RAB3IP: variants seen among roughly 807,000 people sequenced by gnomAD.
RAB3IP encodes rab-3A-interacting protein.
A neutral mutation model predicts 59.1 loss-of-function variants in RAB3IP; 36 were observed. The ratio of observed to expected loss-of-function variants is 0.61; its 90% CI spans 0.47 to 0.80. The LOEUF (loss-of-function observed/expected upper bound fraction) is 0.80, where lower values mean the gene tolerates loss of function less well. Among genes scored for constraint, RAB3IP ranks in the 30% least tolerant of loss-of-function variants. RAB3IP has a pLI of 0.00. For missense variants in RAB3IP, 511 were observed against 536.0 expected (o/e 0.95, Z 0.46); for synonymous variants, 207 against 191.2 (o/e 1.08, Z -0.68).
rs1887053450 is a variant in RAB3IP at position 69,739,502 on chromosome 12, G to C, written c.-26+471G>C. Reference sequence around the variant, plus strand: ...CAAGTCGGAAGCAGCTCACAACACCGGACGCCGCGCGGCAGGGCTGTGGAC... The same window carrying C: ...CAAGTCGGAAGCAGCTCACAACACCCGACGCCGCGCGGCAGGGCTGTGGAC... On this transcript the variant is annotated intron_variant, in intron 1 of 10. Coordinates refer to ENST00000247833, the MANE Select transcript of RAB3IP (RefSeq NM_022456.5). 2 of 315,120 alleles carry C rather than the reference G, an allele frequency of 6.3e-6. 1 individual carries two copies. Among genetic ancestry groups the C allele is most frequent in the South Asian group, 9.0e-5 (2 of 22,204 alleles). 19.5% of individuals were successfully genotyped at this position (315,120 alleles called of 1,614,324 possible). A position where few individuals can be genotyped will look rare whatever the true frequency, so the allele number is the denominator to read the frequency against.
chr12:69,784,310 A>G (rs897127418), intron 3 of RAB3IP, among the ~76,000 whole-genome samples: 3 of 152,052 alleles, frequency 2.0e-5, no homozygotes, highest in Non-Finnish European at 2.9e-5. Flanking sequence ...AATAGCTTTT[A>G]AAGTAAACAT....
At chr12:69,799,821 T>C (rs1592592625) in intron 6 of RAB3IP, among the ~76,000 whole-genome samples, 1 of 152,174 alleles carries the variant, frequency 6.6e-6, no homozygotes, top group Non-Finnish European at 1.5e-5. Flanking sequence ...TCATCATTTA[T>C]TATATTCTGA....
chr12:69,784,910 G>A (rs1875375977), intron 4 of RAB3IP, 95 bp downstream of exon 4: 2 of 675,062 alleles, frequency 3.0e-6, no homozygotes, highest in African/African-American at 3.7e-5. Flanking sequence ...TATTTGCTTA[G>A]CTTCATGTAT....
At chr12:69,792,017 C>G (rs1045267820) in intron 4 of RAB3IP, among the ~76,000 whole-genome samples, 2 of 152,174 alleles carry the variant, frequency 1.3e-5, no homozygotes, top group South Asian at 4.1e-4. Flanking sequence ...ACAACATGAG[C>G]GAACCTGGAG....
intron 3 of RAB3IP, among the ~76,000 whole-genome samples, chr12:69,771,798 A>G (rs1471108298): frequency 6.6e-6 from 1 of 152,028 alleles, no homozygotes; most frequent in Non-Finnish European, 1.5e-5. Flanking sequence ...CATCCTCCTC[A>G]GTGTTTGTTA....
rs767461945 is a variant in RAB3IP, at chr12:69,794,455, A to G, written c.625A>G (p.Arg209Gly). The change falls in exon 5 of 11, where the codon AGA (arginine) becomes GGA (glycine). Residue 209 changes from arginine (R) to glycine (G), a missense_variant. Arg to Gly is a moderately radical substitution (Grantham distance 125, BLOSUM62 -2). Transcript: ENST00000247833. ...TTTTCAGGAAGCTCATAAAATGGTG[A>G]GAGAAGCAAATATCAAGCAGGCAAC... ...SLFEEAHKMV[R>G]EANIKQATAE... 133 of 1,612,486 alleles carry G rather than the reference A, an allele frequency of 8.2e-5. 2 individuals are homozygous for G. The South Asian group carries it at 1.4e-3, about 17-fold the overall frequency.
chr12:69,772,318 G>C (rs561926142), intron 3 of RAB3IP, among the ~76,000 whole-genome samples: 6 of 152,026 alleles, frequency 3.9e-5, no homozygotes, highest in Non-Finnish European at 7.4e-5. Context: ...TGAGTCTCTT[G>C]TAGGCAGGCA....
chr12:69,805,379 G>C (rs1334437354), intron 8 of RAB3IP, among the ~76,000 whole-genome samples: 1 of 152,124 alleles, frequency 6.6e-6, no homozygotes, highest in African/African-American at 2.4e-5. Flanking sequence ...TTGCTTATCA[G>C]CTTAAGGAGA....
At chr12:69,763,791 A>G (rs922658146) in intron 3 of RAB3IP, among the ~76,000 whole-genome samples, 7 of 151,798 alleles carry the variant, frequency 4.6e-5, no homozygotes, top group African/African-American at 7.3e-5. Flanking sequence ...CCCAGTTTCT[A>G]TTTTTCCCAT....
At chr12:69,801,930 A>G (rs1323414748) in intron 8 of RAB3IP, among the ~76,000 whole-genome samples, 4 of 148,134 alleles carry the variant, frequency 2.7e-5, no homozygotes, top group African/African-American at 9.9e-5. Context: ...CCTTTTAATT[A>G]TAGGTTGGTG....
intron 1 of RAB3IP, among the ~76,000 whole-genome samples, chr12:69,748,903 A>G (rs1363557809): frequency 6.6e-6 from 1 of 152,200 alleles, no homozygotes; most frequent in African/African-American, 2.4e-5. Flanking sequence ...GCTAAATTAC[A>G]TTTTATGGAA....
intron 6 of RAB3IP, chr12:69,796,078 A>G (rs1877392936): frequency 6.6e-6 from 1 of 152,412 alleles, no homozygotes; most frequent in Admixed American, 6.5e-5. Context: ...AGGCCGGAGG[A>G]TCACCTGAGG....
At chr12:69,750,777 CATTTCTT>C (rs1179329268) in intron 1 of RAB3IP, among the ~76,000 whole-genome samples, 7 of 143,600 alleles carry the variant, frequency 4.9e-5, no homozygotes, top group Non-Finnish European at 9.1e-5. Flanking sequence ...CAGTGATGTT[CATTTCTT>C]ATTTGCCACA....
rs10506570 is a variant in RAB3IP, at chr12:69,801,889, T to C, written c.1130+168T>C. Among the ~76,000 whole-genome samples the C allele has an allele frequency of 6.7e-3, 1,007 of 151,234 alleles. 7 individuals are homozygous for C. Among genetic ancestry groups the C allele is most frequent in the African/African-American group, 0.023 (937 of 41,226 alleles). ...CAAATTCCTGAGACAGTGTGGAATA[T>C]AGTATTTCAGATTTAGCATTAAAGG... On this transcript the variant is annotated intron_variant, in intron 8 of 10. Coordinates refer to ENST00000247833, the MANE Select transcript of RAB3IP (RefSeq NM_022456.5).
At chr12:69,789,595 A>G (rs937791506) in intron 4 of RAB3IP, among the ~76,000 whole-genome samples, 3 of 152,160 alleles carry the variant, frequency 2.0e-5, no homozygotes, top group Admixed American at 1.3e-4. Flanking sequence ...TATGAGGCCA[A>G]TATCACTCTG....
At chr12:69,797,851 A>T (rs1189650593) in intron 6 of RAB3IP, among the ~76,000 whole-genome samples, 1 of 152,004 alleles carries the variant, frequency 6.6e-6, no homozygotes, top group African/African-American at 2.4e-5. Flanking sequence ...AAGGACATGA[A>T]CTCATCATTT....
At chr12:69,786,931 A>AG (rs1243255072) in intron 4 of RAB3IP, among the ~76,000 whole-genome samples, 2 of 152,226 alleles carry the variant, frequency 1.3e-5, no homozygotes, top group African/African-American at 2.4e-5. Flanking sequence ...ATTAAAGATG[A>AG]TTTTGGTAAT....
At chr12:69,756,719 C>G in intron 3 of RAB3IP, 56 bp downstream of exon 3, 1 of 1,444,070 alleles carries the variant, frequency 6.9e-7, no homozygotes, top group South Asian at 1.3e-5. Context: ...TAGTATTTCT[C>G]CATGGGGTGG....
chr12:69,746,037 A>C (rs954880382), intron 1 of RAB3IP, among the ~76,000 whole-genome samples: 4 of 152,194 alleles, frequency 2.6e-5, no homozygotes, highest in African/African-American at 9.6e-5. Flanking sequence ...TGTGTTTGTG[A>C]ATAAATATAA....
Sources: allele counts gnomAD v4.1 joint callset (sites outside exome capture counted in the v4.1 genomes callset), GRCh38; gene constraint gnomAD v4.1.1; transcripts MANE v1.5; gene names NCBI Gene and HGNC (gene_info 2026-07-23, HGNC 2026-07-21).